TENM1: variants seen among roughly 807,000 people sequenced by gnomAD.
TENM1 encodes the protein teneurin-1.
Under a neutral mutation model 174.8 loss-of-function variants are expected in TENM1, and 35 were observed. The ratio of observed to expected loss-of-function variants is 0.20; its 90% CI spans 0.15 to 0.27. The LOEUF is 0.27. Ranked by LOEUF, TENM1 falls within the 10% of genes least tolerant of loss-of-function variation. The pLI is 1.00. For missense variants in TENM1, 1,633 were observed against 2,130.1 expected (o/e 0.77, Z 4.59); for synonymous variants, 781 against 798.7 (o/e 0.98, Z 0.37).
chrX:124,547,017 G>A (rs1338711334), exon 15 of TENM1: 1 of 1,209,824 alleles, frequency 8.3e-7, no homozygotes, highest in African/African-American at 1.7e-5. Context: ...GATCTGGTGA[G>A]CCCTGGCAGA....
chrX:124,924,600 G>T (rs143444793), intron 1 of TENM1, among the ~76,000 whole-genome samples: 1,421 of 111,504 alleles, frequency 0.013, 21 homozygotes, highest in African/African-American at 0.044. Context: ...TTCTCCCAGG[G>T]ACCATGACAT....
chrX:124,588,231 C>T (rs1188945745), intron 11 of TENM1, among the ~76,000 whole-genome samples: 1 of 111,236 alleles, frequency 9.0e-6, no homozygotes, highest in African/African-American at 3.3e-5. Context: ...GCTATAAAGA[C>T]ACATGCACAC....
chrX:125,139,881 G>GAGAC, the TENM1 span, among the ~76,000 whole-genome samples: 1 of 82,924 alleles, frequency 1.2e-5, no homozygotes, highest in African/African-American at 4.3e-5. Context: ...GAGAGAGAGA[G>GAGAC]AGAGAGAGAC....
At chrX:124,863,616 G>A (rs1187838418) in intron 3 of TENM1, among the ~76,000 whole-genome samples, 1 of 111,839 alleles carries the variant, frequency 8.9e-6, no homozygotes, top group Admixed American at 9.4e-5. Flanking sequence ...AGAACGCCAG[G>A]TATTCTTCAA....
chrX:124,899,658 C>T (rs903531013), intron 1 of TENM1, among the ~76,000 whole-genome samples: 6 of 111,814 alleles, frequency 5.4e-5, no homozygotes, highest in Non-Finnish European at 9.4e-5. Flanking sequence ...ATTGCTGGGT[C>T]GAATGGTAGT....
At chrX:125,021,662 C>T in the TENM1 span, among the ~76,000 whole-genome samples, 3,743 of 111,515 alleles carry the variant, frequency 0.034, 72 homozygotes, top group Non-Finnish European at 0.053. Context: ...TGTAACTATA[C>T]AGCTCTGTCT....
intron 27 of TENM1, among the ~76,000 whole-genome samples, chrX:124,399,738 G>T (rs780223543): frequency 1.2e-4 from 13 of 111,689 alleles, no homozygotes; most frequent in Non-Finnish European, 1.7e-4. Flanking sequence ...AGGCTGAGGT[G>T]GGCGGATGGC....
chrX:124,754,381 C>A (rs1416826361), intron 3 of TENM1, among the ~76,000 whole-genome samples: 1 of 111,426 alleles, frequency 9.0e-6, no homozygotes, highest in East Asian at 2.8e-4. Flanking sequence ...TCTCTCTTTT[C>A]TTCTTTATTA....
At chrX:124,415,490 A>G (rs761779884) in intron 25 of TENM1, among the ~76,000 whole-genome samples, 1 of 111,109 alleles carries the variant, frequency 9.0e-6, no homozygotes, top group South Asian at 3.8e-4. Context: ...AGCTCTCTAG[A>G]TTTTGTATGG....
chrX:124,504,996 C>T (rs945828613), intron 18 of TENM1, among the ~76,000 whole-genome samples: 9 of 111,854 alleles, frequency 8.0e-5, no homozygotes, highest in Non-Finnish European at 1.1e-4. Context: ...TCATTTGTGG[C>T]CAATTTTAAA....
the TENM1 span, among the ~76,000 whole-genome samples, chrX:124,972,233 G>GA: frequency 5.9e-3 from 559 of 94,352 alleles, 7 homozygotes; most frequent in African/African-American, 0.018. Context: ...ACTCCATCTC[G>GA]AAAAAAAAAA....
chrX:124,758,542 A>T (rs2054325134), intron 3 of TENM1, among the ~76,000 whole-genome samples: 1 of 111,903 alleles, frequency 8.9e-6, no homozygotes, highest in African/African-American at 3.2e-5. Context: ...AAGAGAATAT[A>T]TCCAAAAGAG....
At chrX:125,035,444 C>T in the TENM1 span, among the ~76,000 whole-genome samples, 1 of 111,647 alleles carries the variant, frequency 9.0e-6, no homozygotes, top group East Asian at 2.8e-4. Context: ...CCTGTAGTTA[C>T]GTGTAATGTT....
chrX:124,543,894 T>A (rs774490325), intron 15 of TENM1, among the ~76,000 whole-genome samples: 24 of 112,255 alleles, frequency 2.1e-4, no homozygotes, highest in Non-Finnish European at 3.8e-4. Flanking sequence ...AACAAGAAGG[T>A]CTGGTCTCTC....
chrX:125,092,771 A>T, the TENM1 span, among the ~76,000 whole-genome samples: 2 of 112,333 alleles, frequency 1.8e-5, no homozygotes, highest in East Asian at 5.6e-4. Context: ...AACACACAGA[A>T]CATTCTTTAT....
At chrX:125,046,794 C>T in the TENM1 span, among the ~76,000 whole-genome samples, 1 of 110,263 alleles carries the variant, frequency 9.1e-6, no homozygotes, top group African/African-American at 3.3e-5. Context: ...GACAAAAGAA[C>T]TGATAGCAGA....
chrX:124,566,542 G>A (rs1305148602), intron 11 of TENM1, among the ~76,000 whole-genome samples: 1 of 112,385 alleles, frequency 8.9e-6, no homozygotes, highest in African/African-American at 3.2e-5. Flanking sequence ...AATGAAATAT[G>A]TTTTGGGAAC....
chrX:124,887,174 A>G (rs1424334000), intron 3 of TENM1, among the ~76,000 whole-genome samples: 4 of 111,203 alleles, frequency 3.6e-5, no homozygotes, highest in African/African-American at 1.3e-4. Flanking sequence ...TAAGTGCAGC[A>G]CTGTTTTTAA....
chrX:125,131,005 G>A, the TENM1 span, among the ~76,000 whole-genome samples: 9 of 112,161 alleles, frequency 8.0e-5, no homozygotes, highest in Non-Finnish European at 1.5e-4. Flanking sequence ...AGCCCCTGCT[G>A]ATAAAATGAC....
Sources: gnomAD v4.1 joint callset for allele counts (sites outside exome capture counted in the v4.1 genomes callset) on GRCh38, gnomAD v4.1.1 for gene constraint, MANE v1.5 for transcripts, NCBI Gene and HGNC (gene_info 2026-07-23, HGNC 2026-07-21) for gene names.